CSMD1: variants seen among roughly 807,000 people sequenced by gnomAD.
The protein encoded by CSMD1 is CUB and Sushi multiple domains 1, also known as CUB and sushi domain-containing protein 1.
A neutral mutation model predicts 417.5 loss-of-function variants in CSMD1; 213 were observed. The ratio of observed to expected loss-of-function variants is 0.51; its 90% CI spans 0.46 to 0.57. The LOEUF (loss-of-function observed/expected upper bound fraction) is 0.57, where lower values mean the gene tolerates loss of function less well. Among genes scored for constraint, CSMD1 ranks in the 20% least tolerant of loss-of-function variants. The pLI is 0.00. For synonymous variants in CSMD1, 2,862 were observed against 1,736.8 expected (o/e 1.65, Z -16.11); for missense variants, 6,923 against 4,529.7 (o/e 1.53, Z -15.17).
chr8:4,450,131 G>T (rs982762025), intron 2 of CSMD1, among the ~76,000 whole-genome samples: 2 of 152,008 alleles, frequency 1.3e-5, no homozygotes, highest in African/African-American at 2.4e-5. Context: ...TTTGTCCATT[G>T]TTTTCCAAAT....
chr8:4,051,208 C>T lies in CSMD1; in HGVS notation c.416-19109G>A, dbSNP rs541633672. Among the ~76,000 whole-genome samples, 3 of 151,520 alleles carry T rather than the reference C, an allele frequency of 2.0e-5. No individual in the cohort carries two copies. The South Asian group carries it at 6.3e-4, about 32-fold the overall frequency. On this transcript the variant is annotated intron_variant, in intron 3 of 69. Coordinates refer to ENST00000635120, the MANE Select transcript of CSMD1 (RefSeq NM_033225.6). The stretch of plus-strand genomic sequence containing the variant: ...CTGAGAATCTCTGCTGAGAGCACAG[C>T]CTCCCAGGGACCAGGCCTGTGGGAA...
chr8:4,400,232 T>C (rs1032816634), intron 3 of CSMD1, among the ~76,000 whole-genome samples: 24 of 152,244 alleles, frequency 1.6e-4, no homozygotes, highest in Non-Finnish European at 2.4e-4. Flanking sequence ...TGCAAACTTA[T>C]GGACATGGAA....
At chr8:4,719,712 C>T (rs1235480646) in intron 1 of CSMD1, among the ~76,000 whole-genome samples, 2 of 152,116 alleles carry the variant, frequency 1.3e-5, no homozygotes, top group Non-Finnish European at 2.9e-5. Flanking sequence ...TCAGTAAAAG[C>T]TACCCAGTTT....
intron 10 of CSMD1, among the ~76,000 whole-genome samples, chr8:3,542,653 T>C (rs1770121584): frequency 6.6e-6 from 1 of 152,144 alleles, no homozygotes; most frequent in Non-Finnish European, 1.5e-5. Flanking sequence ...CACAGGACAG[T>C]TCAGATGTGT....
intron 2 of CSMD1, among the ~76,000 whole-genome samples, chr8:4,495,887 C>T (rs1481623064): frequency 6.6e-6 from 1 of 152,040 alleles, no homozygotes; most frequent in African/African-American, 2.4e-5. Context: ...GTGTTTTTTG[C>T]TCCATCTTAC....
chr8:3,783,334 TC>T, intron 5 of CSMD1, among the ~76,000 whole-genome samples: 2 of 152,330 alleles, frequency 1.3e-5, no homozygotes, highest in East Asian at 3.9e-4. Context: ...GGCAGGTTTT[TC>T]AAGTCCGTAC....
intron 5 of CSMD1, among the ~76,000 whole-genome samples, chr8:3,933,543 A>G (rs1479666707): frequency 6.6e-6 from 1 of 152,176 alleles, no homozygotes; most frequent in East Asian, 1.9e-4. Flanking sequence ...GAAGAAAGAG[A>G]TGAGAGTCCT....
rs113564364 is a variant in CSMD1, at chr8:4,915,037, C to T, written c.85+79295G>A. ...TTCATATTAGATATGAGAAACTGCA[C>T]GTGTGGAGGGAATAGAAATTGAATT... On this transcript the variant is annotated intron_variant, in intron 1 of 69. Coordinates refer to ENST00000635120, the MANE Select transcript of CSMD1 (RefSeq NM_033225.6). 3.8e-3 allele frequency among the ~76,000 whole-genome samples: 585 copies of T among 152,150 alleles called. 4 individuals are homozygous for T. Among genetic ancestry groups the T allele is most frequent in the African/African-American group, 0.014 (567 of 41,482 alleles).
chr8:4,592,849 G>T (rs1243072994), intron 2 of CSMD1, among the ~76,000 whole-genome samples: 1 of 152,016 alleles, frequency 6.6e-6, no homozygotes, highest in African/African-American at 2.4e-5. Flanking sequence ...CTATTGAAAT[G>T]AATTTCCATA....
rs543060468 is a variant in CSMD1, at chr8:3,251,596, T to G, written c.4154-21365A>C. ...TTTAAAGTAGTTTTTTCCAATTCTGTGAAGAAAGTCATTGGTAGCTTGATG... is the reference window on the plus strand; with the variant it reads ...TTTAAAGTAGTTTTTTCCAATTCTGGGAAGAAAGTCATTGGTAGCTTGATG... On this transcript the variant is annotated intron_variant, in intron 26 of 69. Transcript: ENST00000635120. Among the ~76,000 whole-genome samples, 7 of 152,326 alleles carry G rather than the reference T, an allele frequency of 4.6e-5. No homozygotes were observed. The South Asian group carries it at 1.2e-3, about 27-fold the overall frequency.
At chr8:4,961,690 T>G (rs186301878) in intron 1 of CSMD1, among the ~76,000 whole-genome samples, 1 of 152,154 alleles carries the variant, frequency 6.6e-6, no homozygotes, top group Non-Finnish European at 1.5e-5. Flanking sequence ...TTTATTGTTT[T>G]TTTTCTGAAA....
chr8:4,791,116 G>C (rs988934736), intron 1 of CSMD1, among the ~76,000 whole-genome samples: 38 of 152,108 alleles, frequency 2.5e-4, no homozygotes, highest in African/African-American at 8.2e-4. Flanking sequence ...GGGGAGAAGA[G>C]ACGGGGAGGG....
intron 37 of CSMD1, among the ~76,000 whole-genome samples, chr8:3,174,208 C>G (rs1370050014): frequency 6.6e-6 from 1 of 152,292 alleles, no homozygotes; most frequent in South Asian, 2.1e-4. Flanking sequence ...GAAATTGAGA[C>G]AGAGTCCAGG....
chr8:3,094,048 T>A (rs1162111505), intron 47 of CSMD1, among the ~76,000 whole-genome samples: 1 of 152,176 alleles, frequency 6.6e-6, no homozygotes, highest in African/African-American at 2.4e-5. Context: ...TGAAATGTCA[T>A]TTTTAATGAC....
intron 2 of CSMD1, among the ~76,000 whole-genome samples, chr8:4,579,837 T>C (rs1357631538): frequency 2.0e-5 from 3 of 152,188 alleles, no homozygotes. Flanking sequence ...TAGGATTCAA[T>C]TCTCAGATAA....
chr8:3,405,352 T>C (rs1812283174), intron 15 of CSMD1, among the ~76,000 whole-genome samples: 1 of 152,212 alleles, frequency 6.6e-6, no homozygotes, highest in Non-Finnish European at 1.5e-5. Context: ...CAACATCTTT[T>C]TCCTTAAAAT....
chr8:3,912,216 C>T (rs1011409935), intron 5 of CSMD1, among the ~76,000 whole-genome samples: 21 of 152,164 alleles, frequency 1.4e-4, no homozygotes, highest in East Asian at 5.8e-4. Flanking sequence ...AACTCTGATT[C>T]GACATACTTC....
chr8:3,709,678 A>ATCTTTTTTTTTTT (rs1563296488), intron 6 of CSMD1, among the ~76,000 whole-genome samples: 1 of 24,322 alleles, frequency 4.1e-5, no homozygotes, highest in Non-Finnish European at 8.9e-5. Context: ...TTGCAGCAGC[A>ATCTTTTTTTTTTT]TGTTTTTTTT....
chr8:4,024,318 A>G (rs1028838768), intron 4 of CSMD1, among the ~76,000 whole-genome samples: 1 of 152,220 alleles, frequency 6.6e-6, no homozygotes, highest in African/African-American at 2.4e-5. Context: ...ATAAAAGACA[A>G]TAATGACAGA....
Sources: allele counts gnomAD v4.1 joint callset (sites outside exome capture counted in the v4.1 genomes callset), GRCh38; gene constraint gnomAD v4.1.1; transcripts MANE v1.5; gene names NCBI Gene and HGNC (gene_info 2026-07-23, HGNC 2026-07-21).